Variants in MAX observed in about 807,000 individuals in gnomAD.
MAX encodes the protein MYC associated transcriptional regulator X.
Under a neutral mutation model 22.3 loss-of-function variants are expected in MAX, and 3 were observed. The ratio of observed to expected loss-of-function variants is 0.13; its 90% confidence interval spans 0.06 to 0.35. MAX has a LOEUF of 0.35. MAX is among the 10% of genes least tolerant of loss of function. The probability of loss-of-function intolerance (pLI) is 1.00; values close to 1 mark genes in which losing one functional copy is unlikely to be tolerated. For missense variants in MAX, 119 were observed against 209.4 expected, an observed-to-expected ratio of 0.57 and a Z score of 2.66; for synonymous variants, 72 against 77.7, an observed-to-expected ratio of 0.93 and a Z score of 0.39.
At chr14:65,068,771 T>C (rs1287767684) in intron 3 of MAX, among the ~76,000 whole-genome samples, 1 of 152,214 alleles carries the variant, frequency 6.6e-6, no homozygotes, top group Non-Finnish European at 1.5e-5. Flanking sequence ...GTTCACACTA[T>C]GTAATGGGTA....
chr14:65,034,802 T>A (rs890974841), intron 3 of MAX, among the ~76,000 whole-genome samples: 4 of 152,248 alleles, frequency 2.6e-5, no homozygotes, highest in African/African-American at 9.6e-5. Flanking sequence ...GGAGTTGGCA[T>A]GTCAGCTCCA....
Position 65,088,342 on chromosome 14 carries a change from T to C in MAX, c.171+5366A>G, listed in dbSNP as rs1466869486. Among the ~76,000 whole-genome samples the C allele has an allele frequency of 6.6e-6, 1 of 152,116 alleles. No homozygotes were observed. The highest frequency in any genetic ancestry group is 1.5e-5 in the Non-Finnish European group (1 of 68,018). ...AGGTTTTCAGCAGCATGCAAATAAT[T>C]TATAAGAAATTAAATGCATTTACAA... On this transcript the variant is annotated intron_variant, in intron 3 of 4. Coordinates refer to ENST00000358664, the MANE Select transcript of MAX (RefSeq NM_002382.5). This position sits in a 1 kb window ranked among gnomAD's most constrained non-coding sequence, Gnocchi z 5.2.
chr14:65,091,509 C>G (rs2063508507), intron 3 of MAX, among the ~76,000 whole-genome samples: 1 of 152,200 alleles, frequency 6.6e-6, no homozygotes, highest in Non-Finnish European at 1.5e-5. Flanking sequence ...TGCTACTTTT[C>G]TGCCAGCATC....
intron 3 of MAX, among the ~76,000 whole-genome samples, chr14:65,051,766 AC>A (rs2062616480): frequency 6.6e-6 from 1 of 150,946 alleles, no homozygotes; most frequent in South Asian, 2.1e-4. Flanking sequence ...GGTTATTGAT[AC>A]CATAAACTTT....
intron 3 of MAX, chr14:65,022,041 T>C (rs1013608118): frequency 2.2e-6 from 1 of 456,008 alleles, no homozygotes; most frequent in South Asian, 1.5e-5. Context: ...CACGTCTGAC[T>C]CTGTGAGCAG....
At chr14:65,020,972 C>A (rs1483798828) in intron 3 of MAX, among the ~76,000 whole-genome samples, 2 of 152,128 alleles carry the variant, frequency 1.3e-5, no homozygotes, top group Non-Finnish European at 2.9e-5. Flanking sequence ...TCAGGTGATA[C>A]ACCTGTCTTG....
At chr14:65,049,505 G>A (rs2139662272) in intron 3 of MAX, among the ~76,000 whole-genome samples, 1 of 152,272 alleles carries the variant, frequency 6.6e-6, no homozygotes, top group Middle Eastern at 3.4e-3. Context: ...TCATCTTGTT[G>A]TGATTATGTG....
In MAX at chr14:65,078,226, A is replaced by C. The variant is rs2063113210; in HGVS notation, c.172-190T>G. Among the ~76,000 whole-genome samples the C allele has an allele frequency of 1.3e-5, 2 of 150,412 alleles. No individual in the cohort carries two copies. The highest frequency in any genetic ancestry group is 2.9e-5 in the Non-Finnish European group (2 of 67,982). Reference sequence around the variant, plus strand: ...TTATTTTTTTATTTTTTTGAGACAGAGTTTCGCTCTTGTTGCCCAAGCTGG... The same window carrying C: ...TTATTTTTTTATTTTTTTGAGACAGCGTTTCGCTCTTGTTGCCCAAGCTGG... On this transcript the variant is annotated intron_variant, in intron 3 of 4. Coordinates refer to ENST00000358664, the MANE Select transcript of MAX (RefSeq NM_002382.5). This position sits in a 1 kb window ranked among gnomAD's most constrained non-coding sequence, Gnocchi z 6.4.
In MAX at chr14:65,076,503, C is replaced by G; in HGVS notation, c.456G>C (p.Arg152Ser). The G allele has an allele frequency of 6.2e-7, 1 of 1,613,874 alleles. No homozygotes were observed. The highest frequency in any genetic ancestry group is 8.5e-7 in the Non-Finnish European group (1 of 1,180,036). ...SESEPEEPQS[R>S]KKLRMEAS is the part of the protein sequence containing the mutation. ...AGCTGGCCTCCATCCGGAGCTTCTT[C>G]CTGCTTTGGGGCTCTTCAGGCTCAG... Residue 152 changes from arginine to serine, a missense_variant, in exon 5 of 5, where the codon AGG (arginine) becomes AGC (serine). Arg to Ser is a moderately radical substitution (Grantham distance 110, BLOSUM62 -1). Coordinates refer to ENST00000358664, the MANE Select transcript of MAX (RefSeq NM_002382.5). The surrounding 1 kb of genome is among the most constrained non-coding windows in gnomAD (Gnocchi z 6.6).
rs898411095 is a variant in MAX, at chr14:65,054,953, C to T, written c.171+38755G>A. Among the ~76,000 whole-genome samples, 1 of 152,226 alleles carries T rather than the reference C, an allele frequency of 6.6e-6. No individual in the cohort carries two copies. The highest frequency in any genetic ancestry group is 2.4e-5 in the African/African-American group (1 of 41,462). On this transcript the variant is annotated intron_variant, in intron 3 of 3. Transcript: ENST00000341653. The surrounding 1 kb of genome is among the most constrained non-coding windows in gnomAD (Gnocchi z 4.4). ...ATCCCAGGGCTGAGGACCTAGCCCA[C>T]TGCTGGTATTAGCTTCCCCTAGAGG...
intron 3 of MAX, among the ~76,000 whole-genome samples, chr14:65,064,140 C>T (rs1211955247): frequency 6.6e-6 from 1 of 152,160 alleles, no homozygotes; most frequent in Non-Finnish European, 1.5e-5. Flanking sequence ...CCACACTGCT[C>T]TCCCTTCTTG....
chr14:65,053,159 C>G (rs1416563759), intron 3 of MAX: 11 of 1,139,008 alleles, frequency 9.7e-6, no homozygotes, highest in Non-Finnish European at 1.2e-5. Flanking sequence ...GACTATTCCC[C>G]CAGGTGAGAA....
Position 65,102,359 on chromosome 14 carries a change from G to C in MAX, c.-20C>G, listed in dbSNP as rs778366254. On this transcript the variant is annotated 5_prime_UTR_variant, in exon 1 of 5. Coordinates refer to ENST00000358664, the MANE Select transcript of MAX (RefSeq NM_002382.5). ...GCTCATTTCCTACGGCCCAGGGAGCGGCCACTGCAGCGGCGGCGGGGAGGG... is the reference window on the plus strand; with the variant it reads ...GCTCATTTCCTACGGCCCAGGGAGCCGCCACTGCAGCGGCGGCGGGGAGGG... 5 of 1,613,354 alleles carry C rather than the reference G, an allele frequency of 3.1e-6. No individual in the cohort carries two copies. Among genetic ancestry groups the C allele is most frequent in the Non-Finnish European group, 4.2e-6 (5 of 1,179,674 alleles).
chr14:65,037,096 G>A (rs1461293618), intron 3 of MAX, among the ~76,000 whole-genome samples: 1 of 149,782 alleles, frequency 6.7e-6, no homozygotes, highest in Non-Finnish European at 1.5e-5. Flanking sequence ...TGTTTTCTGT[G>A]TTTGCTCTTT....
intron 3 of MAX, chr14:65,053,246 G>C (rs756082925): frequency 7.1e-7 from 1 of 1,405,558 alleles, no homozygotes; most frequent in Non-Finnish European, 9.4e-7. Context: ...AGGTGACCCT[G>C]CCCTTAGCAT....
intron 3 of MAX, among the ~76,000 whole-genome samples, chr14:65,043,828 C>CAAAAAAAAAAAAAAAAAAA (rs749243788): frequency 1.6e-5 from 1 of 64,234 alleles, no homozygotes; most frequent in Non-Finnish European, 3.0e-5. Context: ...GACTCCGTCT[C>CAAAAAAAAAAAAAAAAAAA]AAAAAAAAAA....
In MAX at chr14:65,027,318, C is replaced by A; in HGVS notation, c.172-21034G>T. ...CCCTTTGGGGAGAGGTTATATTCAA[C>A]AAGTGGGAGGAGAGGTTCCCCTCAA... On this transcript the variant is annotated intron_variant, in intron 3 of 3. Transcript: ENST00000341653. The surrounding 1 kb of genome is among the most constrained non-coding windows in gnomAD (Gnocchi z 5.7). 7.2e-7 allele frequency: 1 copy of A among 1,380,896 alleles called. No individual in the cohort carries two copies. Among genetic ancestry groups the A allele is most frequent in the Non-Finnish European group, 9.9e-7 (1 of 1,011,954 alleles). The allele number at this position is 1,380,896 out of a possible 1,614,324, so 85.5% of individuals were successfully genotyped here. A position where few individuals can be genotyped will look rare whatever the true frequency, so the allele number is the denominator to read the frequency against.
At chr14:65,021,975 C>G in intron 3 of MAX, 1 of 456,040 alleles carries the variant, frequency 2.2e-6, no homozygotes, top group South Asian at 1.5e-5. Flanking sequence ...CCTGACCATT[C>G]TTCCAGAACA....
In MAX at chr14:65,102,281, A is replaced by C. The variant is rs905304334; in HGVS notation, c.36+23T>G. ...GTCCCCGCCTGACAACCCGCACGGG[A>C]AGGAAGAAGCCCCAGGACTCACGTC... On this transcript the variant is annotated intron_variant, in intron 1 of 4. Transcript: ENST00000358664. 3 of 1,613,360 alleles carry C rather than the reference A, an allele frequency of 1.9e-6. No individual in the cohort carries two copies. The African/African-American group carries it at 4.0e-5, about 22-fold the overall frequency.
Sources: allele counts gnomAD v4.1 joint callset (sites outside exome capture counted in the v4.1 genomes callset), GRCh38; gene constraint gnomAD v4.1.1; non-coding constraint Gnocchi (gnomAD v3.1); transcripts MANE v1.5; gene names NCBI Gene and HGNC (gene_info 2026-07-23, HGNC 2026-07-21).